Variants in ADCY4 observed in about 807,000 individuals in gnomAD.
ADCY4 encodes the protein adenylate cyclase 4, also known as adenylate cyclase type 4.
Under a neutral mutation model 125.5 loss-of-function variants are expected in ADCY4, and 111 were observed. That is an observed-to-expected ratio of 0.88 (90% CI 0.76 to 1.04). The LOEUF (loss-of-function observed/expected upper bound fraction) is 1.04. ADCY4 is among the 50% of genes least tolerant of loss of function. ADCY4 has a pLI of 0.00. For missense variants in ADCY4, 1,256 were observed against 1,382.9 expected, an observed-to-expected ratio of 0.91 and a Z score of 1.46; for synonymous variants, 576 against 586.9, an observed-to-expected ratio of 0.98 and a Z score of 0.27.
rs753440181 is a variant in ADCY4, at chr14:24,329,222, C to T, written c.1363G>A (p.Asp455Asn). ...LVIDPRAEEE[D>N]EKGTAGGLLS... is the part of the protein sequence containing the mutation. ...AAGCCTCCTGCAGTGCCCTTCTCAT[C>T]CTCCTCCTCTGCCTGGGGCACATAA... The change falls in exon 10 of 25, where the codon GAT becomes AAT. Residue 455 changes from aspartate to asparagine, a missense_variant. Asp to Asn is a conservative substitution (Grantham distance 23). Transcript: ENST00000418030. The T allele has an allele frequency of 3.1e-6, 5 of 1,613,534 alleles. No homozygotes were observed. The highest frequency in any genetic ancestry group is 2.7e-5 in the African/African-American group (2 of 74,882).
rs1594674406 is a variant in ADCY4, at chr14:24,334,928, G to A, written c.-276C>T. 2 of 378,146 alleles carry A rather than the reference G, an allele frequency of 5.3e-6. No homozygotes were observed. The highest frequency in any genetic ancestry group is 4.7e-5 in the East Asian group (1 of 21,240). 23.4% of individuals were successfully genotyped at this position (378,146 alleles called of 1,614,324 possible). On this transcript the variant is annotated 5_prime_UTR_variant, in exon 1 of 25. Coordinates refer to ENST00000418030, the MANE Select transcript of ADCY4 (RefSeq NM_001198568.2). ...CTAGAAAAGCCTCATCGCCAGGAGG[G>A]CAGGATTTGGGGTTGGTGCGAGGGA...
intron 3 of ADCY4, 165 bp downstream of exon 3, chr14:24,332,357 G>A: frequency 1.3e-6 from 1 of 741,964 alleles, no homozygotes; most frequent in Non-Finnish European, 2.1e-6. Flanking sequence ...GTAACAGCAG[G>A]CATTGCATCA....
At chr14:24,328,918 A>C in intron 10 of ADCY4, 143 bp downstream of exon 10, 3 of 1,080,268 alleles carry the variant, frequency 2.8e-6, no homozygotes, top group Non-Finnish European at 4.0e-6. Flanking sequence ...GACTGGGGTG[A>C]CAAGACAGTT....
rs374796090 is a variant in ADCY4 at position 24,318,525 on chromosome 14, G to A, written c.3125C>T (p.Thr1042Ile). 6.2e-7 allele frequency: 1 copy of A among 1,614,080 alleles called. No homozygotes were observed. Among genetic ancestry groups the A allele is most frequent in the South Asian group, 1.1e-5 (1 of 91,090 alleles). The change falls in exon 25 of 25, where the codon ACC (threonine) becomes ATC (isoleucine). Residue 1042 changes from threonine to isoleucine, a missense_variant. Transcript: ENST00000418030. ...CTTGATGACACCCCGGCTGTAGCAG[G>A]TGTAGCCCAGGGACTGTAGGGCCCA... ...TAWALQSLGYTCYSRGVIKVK... is the reference protein window; with the variant it reads ...TAWALQSLGYICYSRGVIKVK...
At position 24,331,823 on chromosome 14, in the gene ADCY4, A is replaced by G. The variant is rs770479023; in HGVS notation, c.634T>C (p.Ser212Pro). The G allele has an allele frequency of 6.3e-7, 1 of 1,597,590 alleles. No homozygotes were observed. Among genetic ancestry groups the G allele is most frequent in the South Asian group, 1.1e-5 (1 of 90,494 alleles). Residue 212 changes from serine to proline, a missense_variant, in exon 4 of 25, where the codon TCA becomes CCA. Ser to Pro is a moderately conservative substitution (Grantham distance 74). Coordinates refer to ENST00000418030, the MANE Select transcript of ADCY4 (RefSeq NM_001198568.2). ...TFREALSSLHSRRRLDTEKKH... is the reference protein window; with the variant it reads ...TFREALSSLHPRRRLDTEKKH... Reference sequence around the variant, plus strand: ...TTCTCGGTGTCCAGCCGCCGGCGTGAGTGCAGGGAGCTGAGTGCCTCCCGG... The same window carrying G: ...TTCTCGGTGTCCAGCCGCCGGCGTGGGTGCAGGGAGCTGAGTGCCTCCCGG...
chr14:24,327,589 T>C (rs1395594954), intron 10 of ADCY4, among the ~76,000 whole-genome samples: 1 of 152,240 alleles, frequency 6.6e-6, no homozygotes, highest in Non-Finnish European at 1.5e-5. Context: ...CAACCACTGC[T>C]GCCAGTGTCC....
Position 24,322,234 on chromosome 14 carries a change from G to A in ADCY4, c.2428-10C>T, listed in dbSNP as rs1295357856. The stretch of plus-strand genomic sequence containing the variant: ...GGCAGTAGTACTCATTCTGGGGAGG[G>A]TCACCCGGGGCCATGGGGAGACACA... On this transcript the variant is annotated splice_polypyrimidine_tract_variant and intron_variant, in intron 19 of 24. Coordinates refer to ENST00000418030, the MANE Select transcript of ADCY4 (RefSeq NM_001198568.2). The A allele has an allele frequency of 5.0e-6, 8 of 1,608,086 alleles. No individual in the cohort carries two copies. In the Admixed American group the frequency reaches 8.4e-5, roughly 17 times the overall value.
intron 14 of ADCY4, among the ~76,000 whole-genome samples, chr14:24,324,720 T>C (rs1172296467): frequency 6.6e-6 from 1 of 152,150 alleles, no homozygotes; most frequent in African/African-American, 2.4e-5. Flanking sequence ...TTCTTTTTTT[T>C]TGAGGCGGAG....
In ADCY4 at chr14:24,329,951, A is replaced by T. The variant is rs745472524; in HGVS notation, c.1126T>A (p.Cys376Ser). The T allele has an allele frequency of 6.2e-7, 1 of 1,614,038 alleles. No individual in the cohort carries two copies. The highest frequency in any genetic ancestry group is 1.7e-5 in the Admixed American group (1 of 60,016). ...RVGVHSGSVL[C>S]GVIGLQKWQY... ...CACTTCTGCAGCCCGATGACTCCAC[A>T]CAGTACGCTGCCTGAGTGCACGCCC... The change falls in exon 8 of 25, where the codon TGT becomes AGT. Residue 376 changes from cysteine (C) to serine (S), a missense_variant. By Grantham distance (112) the Cys-to-Ser change is moderately radical (BLOSUM62 -1). Coordinates refer to ENST00000418030, the MANE Select transcript of ADCY4 (RefSeq NM_001198568.2).
rs1204435112 is a variant in ADCY4, at chr14:24,323,037, G to T, written c.2209C>A (p.His737Asn). The T allele has an allele frequency of 6.2e-7, 1 of 1,614,152 alleles. No homozygotes were observed. Among genetic ancestry groups the T allele is most frequent in the South Asian group, 1.1e-5 (1 of 91,078 alleles). ...LGFLSCSLFL[H>N]MSFELKLLLL... The stretch of plus-strand genomic sequence containing the variant: ...AGCAGCTTCAGCTCGAAGCTCATGT[G>T]CAGAAAGAGGGAGCAGGAGAGGAAG... The change falls in exon 18 of 25, where the codon CAC (histidine) becomes AAC (asparagine). Residue 737 changes from histidine to asparagine, a missense_variant. By Grantham distance (68) the His-to-Asn change is moderately conservative (BLOSUM62 1). Transcript: ENST00000418030.
chr14:24,334,383 T>G (rs2042099499), intron 1 of ADCY4, 111 bp downstream of exon 1: 3 of 1,444,690 alleles, frequency 2.1e-6, no homozygotes, highest in Non-Finnish European at 2.7e-6. Context: ...CAATGGTCCT[T>G]TCTTTCTCTG....
intron 20 of ADCY4, chr14:24,321,693 G>A (rs769258429): frequency 1.0e-4 from 59 of 563,388 alleles, no homozygotes; most frequent in Non-Finnish European, 1.2e-4. Context: ...GAGCTCAGGC[G>A]GTAGTGCTGG....
intron 14 of ADCY4, among the ~76,000 whole-genome samples, chr14:24,324,766 T>C (rs1038637811): frequency 2.0e-5 from 3 of 151,816 alleles, no homozygotes; most frequent in African/African-American, 7.3e-5. Flanking sequence ...TGCAGTGGTG[T>C]GATCTTGGCT....
chr14:24,323,934 T>A (rs1437355903), intron 16 of ADCY4, 128 bp downstream of exon 16: 9 of 1,348,906 alleles, frequency 6.7e-6, no homozygotes, highest in African/African-American at 1.5e-5. Flanking sequence ...TTTCTTTCTA[T>A]TTGTACAACA....
rs1349919194 is a variant in ADCY4 at position 24,331,785 on chromosome 14, G to A, written c.669+3C>T. On this transcript the variant is annotated splice_donor_region_variant and intron_variant, in intron 4 of 24. Transcript: ENST00000418030. ...TGCTCTGACCTTCCTAGGCCCGGCT[G>A]ACCTGGTGCTTCTTCTCGGTGTCCA... 1 of 1,576,924 alleles carries A rather than the reference G, an allele frequency of 6.3e-7. No homozygotes were observed. The highest frequency in any genetic ancestry group is 1.7e-5 in the Admixed American group (1 of 57,514).
Position 24,332,685 on chromosome 14 carries a change from T to TG in ADCY4, c.358-3dup, listed in dbSNP as rs748117530. 3 of 1,584,580 alleles carry TG rather than the reference T, an allele frequency of 1.9e-6. No individual in the cohort carries two copies. The highest frequency in any genetic ancestry group is 2.6e-6 in the Non-Finnish European group (3 of 1,165,272). On this transcript the variant is annotated splice_polypyrimidine_tract_variant and splice_region_variant and intron_variant, in intron 2 of 24. Coordinates refer to ENST00000418030, the MANE Select transcript of ADCY4 (RefSeq NM_001198568.2). ...GATGACGAAGAGAAAATAGGACACCTGGGGGCGGGGCGCGGGAAGCCGAAG... is the reference window on the plus strand; with the variant it reads ...GATGACGAAGAGAAAATAGGACACCTGGGGGGCGGGGCGCGGGAAGCCGAAG...
chr14:24,319,343 G>C lies in ADCY4; in HGVS notation c.2827C>G (p.Gln943Glu). 1 of 1,614,180 alleles carries C rather than the reference G, an allele frequency of 6.2e-7. No homozygotes were observed. The highest frequency in any genetic ancestry group is 8.5e-7 in the Non-Finnish European group (1 of 1,180,018). The change falls in exon 22 of 25, where the codon CAG becomes GAG. Residue 943 changes from glutamine (Q) to glutamate (E), a missense_variant. Physicochemically the swap from Gln to Glu is conservative, Grantham distance 29. Transcript: ENST00000418030. The surrounding 1 kb of genome is among the most constrained non-coding windows in gnomAD (Gnocchi z 4.5). ...AATGLNATSG[Q>E]DAQQDAERSC... is the part of the protein sequence containing the mutation. Reference sequence around the variant, plus strand: ...GGTTGCCGTACCTGTTGTGCATCCTGTCCAGAGGTGGCATTTAAGCCTGTG... The same window carrying C: ...GGTTGCCGTACCTGTTGTGCATCCTCTCCAGAGGTGGCATTTAAGCCTGTG...
chr14:24,331,484 C>T (rs1334728101), intron 4 of ADCY4, 128 bp from the exon 5 acceptor site: 13 of 1,294,640 alleles, frequency 1.0e-5, no homozygotes, highest in Middle Eastern at 2.3e-4. Flanking sequence ...CAGGTCCTCC[C>T]GCTGCACACA....
rs776040549 is a variant in ADCY4 at position 24,322,178 on chromosome 14, C to T, written c.2474G>A (p.Arg825Lys). Residue 825 changes from arginine (R) to lysine (K), a missense_variant, in exon 20 of 25, where the codon AGG becomes AAG. Physicochemically the swap from Arg to Lys is conservative, Grantham distance 26. Coordinates refer to ENST00000418030, the MANE Select transcript of ADCY4 (RefSeq NM_001198568.2). ...RLDFLWKKKL[R>K]QEREETETME... The stretch of plus-strand genomic sequence containing the variant: ...CGTCTCTGTCTCCTCCCTCTCCTGC[C>T]TCAGCTTCTTCTTCCACAGGAAGTC... 39 of 1,614,036 alleles carry T rather than the reference C, an allele frequency of 2.4e-5. No homozygotes were observed. In the Admixed American group the frequency reaches 3.5e-4, roughly 14 times the overall value.
Sources: gnomAD v4.1 joint callset for allele counts (sites outside exome capture counted in the v4.1 genomes callset) on GRCh38, gnomAD v4.1.1 for gene constraint, Gnocchi (gnomAD v3.1) non-coding constraint, MANE v1.5 for transcripts, NCBI Gene and HGNC (gene_info 2026-07-23, HGNC 2026-07-21) for gene names.